TOGARAM2: variants seen among roughly 807,000 people sequenced by gnomAD.
TOGARAM2 encodes TOG array regulator of axonemal microtubules 2, also known as TOG array regulator of axonemal microtubules protein 2.
TOGARAM2 carries 85 observed loss-of-function variants against 93.3 expected under a neutral mutation model. The ratio of observed to expected loss-of-function variants is 0.91; its 90% CI spans 0.76 to 1.09. The LOEUF (loss-of-function observed/expected upper bound fraction) is 1.09. Ranked by LOEUF, TOGARAM2 falls within the 50% of genes least tolerant of loss-of-function variation. The probability of loss-of-function intolerance (pLI) is 0.00; values close to 1 mark genes in which losing one functional copy is unlikely to be tolerated. For synonymous variants in TOGARAM2, 593 were observed against 552.8 expected (o/e 1.07, Z -1.02); for missense variants, 1,277 against 1,334.5 (o/e 0.96, Z 0.67).
At chr2:29,018,303 G>T in intron 10 of TOGARAM2, 1 of 242,176 alleles carries the variant, frequency 4.1e-6, no homozygotes, top group Non-Finnish European at 7.9e-6. Flanking sequence ...TGAGAGGATT[G>T]GGGAAGACCT....
chr2:29,024,111 C>G (rs893797750), intron 12 of TOGARAM2, 28 bp from the exon 13 acceptor site: 9 of 1,548,656 alleles, frequency 5.8e-6, no homozygotes, highest in Non-Finnish European at 7.9e-6. Context: ...GGTCCAGCAC[C>G]CTGGAGGGCC....
intron 6 of TOGARAM2, among the ~76,000 whole-genome samples, chr2:29,008,880 G>T (rs763491385): frequency 3.9e-5 from 6 of 152,332 alleles, no homozygotes; most frequent in Non-Finnish European, 2.9e-5. Context: ...GATTAGTTCC[G>T]TAATAAATAT....
chr2:29,000,762 C>T (rs1031894377), intron 4 of TOGARAM2, among the ~76,000 whole-genome samples: 6 of 152,152 alleles, frequency 3.9e-5, no homozygotes, highest in Admixed American at 1.3e-4. Context: ...CTCCAGCTCC[C>T]GGGGAGCCCA....
intron 1 of TOGARAM2, among the ~76,000 whole-genome samples, chr2:28,971,702 A>G (rs1671948467): frequency 6.6e-6 from 1 of 151,748 alleles, no homozygotes; most frequent in Admixed American, 6.6e-5. Flanking sequence ...AAGGGCAGTC[A>G]TGAGGATGTG....
chr2:28,969,166 G>C (rs1248982033), intron 1 of TOGARAM2, among the ~76,000 whole-genome samples: 1 of 152,262 alleles, frequency 6.6e-6, no homozygotes, highest in East Asian at 1.9e-4. Flanking sequence ...GAGGTTTCGG[G>C]AGGATTCTAG....
intron 1 of TOGARAM2, among the ~76,000 whole-genome samples, chr2:28,992,173 T>A (rs1201500537): frequency 1.3e-5 from 2 of 152,224 alleles, no homozygotes; most frequent in African/African-American, 4.8e-5. Flanking sequence ...TTCCTGATTC[T>A]GATTTTTATA....
At position 28,999,454 on chromosome 2, in the gene TOGARAM2, C is replaced by T; in HGVS notation, c.413C>T (p.Ala138Val). ...LKKRRLSEGL[A>V]ASSRASLDPG... Reference sequence around the variant, plus strand: ...AAAAGGAGGCTCTCAGAGGGCTTGGCAGCGTCTTCCCGAGGTGAGCACTGG... The same window carrying T: ...AAAAGGAGGCTCTCAGAGGGCTTGGTAGCGTCTTCCCGAGGTGAGCACTGG... Residue 138 changes from alanine (A) to valine (V), a missense_variant, in exon 4 of 20, where the codon GCA becomes GTA. Coordinates refer to ENST00000379558, the MANE Select transcript of TOGARAM2 (RefSeq NM_199280.4). 1 of 1,607,622 alleles carries T rather than the reference C, an allele frequency of 6.2e-7. No homozygotes were observed. The highest frequency in any genetic ancestry group is 8.5e-7 in the Non-Finnish European group (1 of 1,176,450).
intron 1 of TOGARAM2, among the ~76,000 whole-genome samples, chr2:28,985,066 A>G (rs1672404746): frequency 6.6e-6 from 1 of 152,204 alleles, no homozygotes; most frequent in African/African-American, 2.4e-5. Context: ...CAAATGTTAA[A>G]GCCTAACCCC....
chr2:28,970,530 T>A (rs527476908), intron 1 of TOGARAM2, among the ~76,000 whole-genome samples: 1 of 152,330 alleles, frequency 6.6e-6, no homozygotes, highest in African/African-American at 2.4e-5. Flanking sequence ...TTTGAACATT[T>A]TCTTTGGGTA....
intron 1 of TOGARAM2, among the ~76,000 whole-genome samples, chr2:28,976,219 T>A (rs991374715): frequency 7.9e-5 from 12 of 152,014 alleles, no homozygotes; most frequent in African/African-American, 1.2e-4. Context: ...AAATACAAAA[T>A]AATTAGCCGG....
At position 29,022,153 on chromosome 2, in the gene TOGARAM2, T is replaced by C. The variant is rs776092688; in HGVS notation, c.1361-5T>C. 11 of 1,613,994 alleles carry C rather than the reference T, an allele frequency of 6.8e-6. No homozygotes were observed. In the South Asian group the frequency reaches 1.1e-4, roughly 16 times the overall value. On this transcript the variant is annotated splice_region_variant and splice_polypyrimidine_tract_variant and intron_variant, in intron 10 of 19. Transcript: ENST00000379558. Reference sequence around the variant, plus strand: ...AAGCCTGCTGTTTCTTTCTTGTGAATGCAGCTAACTCATTACCTGCGGTGC... The same window carrying C: ...AAGCCTGCTGTTTCTTTCTTGTGAACGCAGCTAACTCATTACCTGCGGTGC...
chr2:28,961,437 ATT>A (rs2148213418), intron 1 of TOGARAM2, among the ~76,000 whole-genome samples: 1 of 152,012 alleles, frequency 6.6e-6, no homozygotes, highest in South Asian at 2.1e-4. Flanking sequence ...CGCCTCCTAG[ATT>A]CAAGCGATTC....
intron 13 of TOGARAM2, among the ~76,000 whole-genome samples, chr2:29,024,748 G>A (rs62130300): frequency 6.6e-6 from 1 of 152,204 alleles, no homozygotes; most frequent in African/African-American, 2.4e-5. Flanking sequence ...GCACACCGTG[G>A]CTGTGGGAGC....
chr2:28,979,073 A>C (rs1208242877), upstream of TOGARAM2, among the ~76,000 whole-genome samples: 1 of 152,122 alleles, frequency 6.6e-6, no homozygotes, highest in Non-Finnish European at 1.5e-5. Flanking sequence ...TCTTCAGGGG[A>C]GTTCCAGAGA....
At chr2:29,027,421 CAG>C (rs989221542) in intron 14 of TOGARAM2, among the ~76,000 whole-genome samples, 98 of 152,110 alleles carry the variant, frequency 6.4e-4, no homozygotes, top group African/African-American at 2.3e-3. Flanking sequence ...TCGAGGGAGA[CAG>C]ATAATAAATA....
intron 14 of TOGARAM2, among the ~76,000 whole-genome samples, chr2:29,032,517 A>G (rs1665829055): frequency 6.6e-6 from 1 of 152,218 alleles, no homozygotes; most frequent in African/African-American, 2.4e-5. Flanking sequence ...TAAATGTTCC[A>G]TATTAGAACA....
intron 1 of TOGARAM2, among the ~76,000 whole-genome samples, chr2:28,991,064 G>A (rs1427347860): frequency 4.1e-5 from 6 of 147,604 alleles, no homozygotes; most frequent in African/African-American, 1.5e-4. Flanking sequence ...GAAAAAGAAG[G>A]AAGATTCACA....
intron 16 of TOGARAM2, among the ~76,000 whole-genome samples, chr2:29,034,515 C>G (rs1268985924): frequency 1.3e-5 from 2 of 152,184 alleles, no homozygotes; most frequent in South Asian, 2.1e-4. Flanking sequence ...GCTCTTGGCT[C>G]TCAGTAGACA....
chr2:29,044,190 G>A (rs1453716162), intron 18 of TOGARAM2, among the ~76,000 whole-genome samples: 2 of 152,210 alleles, frequency 1.3e-5, no homozygotes, highest in African/African-American at 2.4e-5. Context: ...CTGGGATTGG[G>A]GGCGGGCACA....
Sources: allele counts gnomAD v4.1 joint callset (sites outside exome capture counted in the v4.1 genomes callset), GRCh38; gene constraint gnomAD v4.1.1; transcripts MANE v1.5; gene names NCBI Gene and HGNC (gene_info 2026-07-23, HGNC 2026-07-21).